Variants in GALNTL5 observed in about 807,000 individuals in gnomAD.
GALNTL5 encodes the protein polypeptide N-acetylgalactosaminyltransferase like 5, also known as inactive polypeptide N-acetylgalactosaminyltransferase-like protein 5.
In GALNTL5, 44 loss-of-function variants were observed where a neutral mutation model predicts 51.0. That is an observed-to-expected ratio of 0.86 (90% CI 0.68 to 1.11). The LOEUF is 1.11. GALNTL5 is among the 50% of genes least tolerant of loss of function. GALNTL5 has a pLI of 0.00. For synonymous variants in GALNTL5, 192 were observed against 182.8 expected (o/e 1.05, Z -0.41); for missense variants, 528 against 531.8 (o/e 0.99, Z 0.07).
At chr7:151,992,090 T>C (rs2081435044) in intron 5 of GALNTL5, among the ~76,000 whole-genome samples, 1 of 152,200 alleles carries the variant, frequency 6.6e-6, no homozygotes, top group Non-Finnish European at 1.5e-5. Flanking sequence ...AGGAATGAGA[T>C]CTTTTGGTAT....
At chr7:151,978,751 A>T (rs2081237497) in intron 3 of GALNTL5, among the ~76,000 whole-genome samples, 1 of 152,116 alleles carries the variant, frequency 6.6e-6, no homozygotes, top group Admixed American at 6.5e-5. Flanking sequence ...TGGCTTATAG[A>T]TGGCCGTCTT....
chr7:152,014,981 C>T (rs2081788365), intron 8 of GALNTL5, among the ~76,000 whole-genome samples, 188 bp downstream of exon 8: 1 of 152,128 alleles, frequency 6.6e-6, no homozygotes, highest in Non-Finnish European at 1.5e-5. Context: ...AAACATTATA[C>T]ATGGACACAA....
intron 5 of GALNTL5, among the ~76,000 whole-genome samples, chr7:152,000,715 T>C (rs140329767): frequency 2.0e-5 from 3 of 152,306 alleles, no homozygotes; most frequent in Non-Finnish European, 2.9e-5. Context: ...CATTTATACG[T>C]CTTTGCAAAG....
chr7:152,017,048 A>G lies in GALNTL5; in HGVS notation c.1176+2255A>G, dbSNP rs1035270421. 1.8e-4 allele frequency among the ~76,000 whole-genome samples: 28 copies of G among 152,032 alleles called. 1 individual carries two copies. Among genetic ancestry groups the G allele is most frequent in the South Asian group, 6.2e-4 (3 of 4,824 alleles). On this transcript the variant is annotated intron_variant, in intron 8 of 8. Transcript: ENST00000392800. ...AGCAAAGCTCCATCTCAAAAAAAAA[A>G]AAAAGAAAAGAAAAGAAAGAAAACC...
intron 2 of GALNTL5, 77 bp downstream of exon 2, chr7:151,967,570 G>A (rs183796233): frequency 7.9e-6 from 10 of 1,266,238 alleles, no homozygotes; most frequent in African/African-American, 3.0e-5. Flanking sequence ...GGAAGAGTAC[G>A]AGACTATCCT....
chr7:151,995,391 G>A (rs933769644), intron 5 of GALNTL5: 1 of 64,504 alleles, frequency 1.6e-5, no homozygotes, highest in Non-Finnish European at 3.0e-5. Flanking sequence ...TTTTTTTTTT[G>A]CATGGGAGCG....
At position 151,986,542 on chromosome 7, in the gene GALNTL5, CGAG is replaced by C. The variant is rs564029309; in HGVS notation, c.536-614_536-612del. ...CCCAGCTACTCAGGACATTGAGGCACGAGGATTGCTTGATCCTGGGAGGTCAAG... is the reference window on the plus strand; with the variant it reads ...CCCAGCTACTCAGGACATTGAGGCACGATTGCTTGATCCTGGGAGGTCAAG... On this transcript the variant is annotated intron_variant, in intron 4 of 8. Coordinates refer to ENST00000392800, the MANE Select transcript of GALNTL5 (RefSeq NM_145292.4). Among the ~76,000 whole-genome samples, 66 of 152,034 alleles carry C rather than the reference CGAG, an allele frequency of 4.3e-4. 1 individual carries two copies. The South Asian group carries it at 0.014, about 32-fold the overall frequency.
At chr7:151,973,300 C>CA (rs150890373) in intron 3 of GALNTL5, among the ~76,000 whole-genome samples, 7,718 of 130,526 alleles carry the variant, frequency 0.059, 274 homozygotes, top group Non-Finnish European at 0.089. Context: ...ACTAAAAATA[C>CA]AAAAAAAAAA....
Position 151,966,428 on chromosome 7 carries a change from C to T in GALNTL5, c.-39-780C>T, listed in dbSNP as rs140990743. ...GATTACAGGTGCCTGCCACAATGCCCGGCTAATTTTTTGTATTTTTAGTAG... is the reference window on the plus strand; with the variant it reads ...GATTACAGGTGCCTGCCACAATGCCTGGCTAATTTTTTGTATTTTTAGTAG... On this transcript the variant is annotated intron_variant, in intron 1 of 8. Transcript: ENST00000392800. Among the ~76,000 whole-genome samples, 759 of 152,002 alleles carry T rather than the reference C, an allele frequency of 5.0e-3. 32 individuals carry two copies. The East Asian group carries it at 0.083, about 17-fold the overall frequency.
At chr7:151,965,620 T>C (rs1320880408) in intron 1 of GALNTL5, among the ~76,000 whole-genome samples, 4 of 152,184 alleles carry the variant, frequency 2.6e-5, no homozygotes, top group African/African-American at 9.6e-5. Flanking sequence ...GGCTCACACC[T>C]GTAATCCCAA....
At chr7:151,989,399 C>T (rs557123040) in intron 5 of GALNTL5, among the ~76,000 whole-genome samples, 9 of 152,182 alleles carry the variant, frequency 5.9e-5, no homozygotes, top group Non-Finnish European at 8.8e-5. Flanking sequence ...ATGATCCGCC[C>T]ACCTCGGCCT....
At chr7:152,011,275 G>A (rs2081734864) in intron 7 of GALNTL5, among the ~76,000 whole-genome samples, 1 of 152,218 alleles carries the variant, frequency 6.6e-6, no homozygotes, top group African/African-American at 2.4e-5. Context: ...CCTGAACTCA[G>A]TGCTACTATT....
chr7:151,963,478 A>C (rs1043218032), intron 1 of GALNTL5, among the ~76,000 whole-genome samples: 1 of 152,204 alleles, frequency 6.6e-6, no homozygotes, highest in African/African-American at 2.4e-5. Flanking sequence ...GCTCACTGCA[A>C]TCTCGGCCTC....
chr7:152,012,508 A>T (rs571668732), intron 7 of GALNTL5, among the ~76,000 whole-genome samples: 1 of 152,236 alleles, frequency 6.6e-6, no homozygotes, highest in Non-Finnish European at 1.5e-5. Flanking sequence ...GAGATTTCTC[A>T]AAGAATTTAA....
intron 1 of GALNTL5, among the ~76,000 whole-genome samples, chr7:151,963,903 T>C (rs949692810): frequency 2.0e-5 from 3 of 152,234 alleles, no homozygotes; most frequent in African/African-American, 7.2e-5. Flanking sequence ...TATTTGCATT[T>C]TCTTTCCTTC....
intron 1 of GALNTL5, among the ~76,000 whole-genome samples, chr7:151,964,947 G>T (rs2081039686): frequency 6.6e-6 from 1 of 152,160 alleles, no homozygotes; most frequent in Non-Finnish European, 1.5e-5. Flanking sequence ...GAAGACAGAT[G>T]GACCCAGACA....
chr7:151,991,066 A>G (rs2081423568), intron 5 of GALNTL5, among the ~76,000 whole-genome samples: 1 of 151,812 alleles, frequency 6.6e-6, no homozygotes, highest in Non-Finnish European at 1.5e-5. Flanking sequence ...CCCTGCGATC[A>G]TGATGATACT....
chr7:151,962,426 A>AT (rs762885233), intron 1 of GALNTL5, among the ~76,000 whole-genome samples: 11 of 33,986 alleles, frequency 3.2e-4, no homozygotes, highest in East Asian at 6.6e-4. Context: ...AGTCTGTGTG[A>AT]TTTTTTTTTC....
At chr7:151,993,665 C>T (rs889166487) in intron 5 of GALNTL5, among the ~76,000 whole-genome samples, 2 of 152,148 alleles carry the variant, frequency 1.3e-5, no homozygotes, top group East Asian at 1.9e-4. Flanking sequence ...CTGTCACCCA[C>T]GCTGGAGTGC....
Sources: allele counts gnomAD v4.1 joint callset (sites outside exome capture counted in the v4.1 genomes callset), GRCh38; gene constraint gnomAD v4.1.1; transcripts MANE v1.5; gene names NCBI Gene and HGNC (gene_info 2026-07-23, HGNC 2026-07-21).